SHISA6: variants seen among roughly 807,000 people sequenced by gnomAD.
SHISA6 encodes shisa family member 6.
Under a neutral mutation model 47.9 loss-of-function variants are expected in SHISA6, and 22 were observed. The observed-to-expected ratio is 0.46, with a 90% CI of 0.33 to 0.66. SHISA6 has a LOEUF of 0.66. Ranked by LOEUF, SHISA6 falls within the 30% of genes least tolerant of loss-of-function variation. The probability of loss-of-function intolerance (pLI) is 0.02; values close to 1 mark genes in which losing one functional copy is unlikely to be tolerated. For synonymous variants in SHISA6, 388 were observed against 337.8 expected (o/e 1.15, Z -1.63); for missense variants, 680 against 764.6 (o/e 0.89, Z 1.30).
intron 2 of SHISA6, among the ~76,000 whole-genome samples, chr17:11,268,698 A>T (rs548874184): frequency 6.6e-6 from 1 of 152,336 alleles, no homozygotes; most frequent in South Asian, 2.1e-4. Flanking sequence ...TGTCACCATC[A>T]GAATTTAAGC....
intron 2 of SHISA6, among the ~76,000 whole-genome samples, chr17:11,348,965 C>CCCT (rs1364738111): frequency 6.6e-6 from 1 of 152,180 alleles, no homozygotes. Context: ...GCTGTGCTTT[C>CCCT]ACTAGTGGGG....
intron 3 of SHISA6, among the ~76,000 whole-genome samples, chr17:11,463,195 T>A (rs1915734185): frequency 6.6e-6 from 1 of 152,206 alleles, no homozygotes; most frequent in Non-Finnish European, 1.5e-5. Flanking sequence ...GCTTGTTTCC[T>A]TATCCATAAA....
Position 11,275,149 on chromosome 17 carries a change from A to AT in SHISA6, c.799+11637dup, listed in dbSNP as rs36121722. On this transcript the variant is annotated intron_variant, in intron 2 of 5. Transcript: ENST00000441885. ...TGGAAGGCTGCTCTGAGCAGGAGGA[A>AT]TTTTTTTTTTTTTTCATTAAACATA... Among the ~76,000 whole-genome samples, 1,348 of 145,954 alleles carry AT rather than the reference A, an allele frequency of 9.2e-3. 23 individuals carry two copies. Among genetic ancestry groups the AT allele is most frequent in the African/African-American group, 0.028 (1,093 of 39,730 alleles).
Position 11,387,160 on chromosome 17 carries a change from G to A in SHISA6, c.895+7651G>A, listed in dbSNP as rs183209198. 8.5e-5 allele frequency among the ~76,000 whole-genome samples: 13 copies of A among 152,240 alleles called. No homozygotes were observed. The East Asian group carries it at 1.7e-3, about 20-fold the overall frequency. On this transcript the variant is annotated intron_variant, in intron 3 of 5. Coordinates refer to ENST00000441885, the MANE Select transcript of SHISA6 (RefSeq NM_207386.4). ...AGAATGCAAGAAGCTGTTGGCCTGC[G>A]AGCACCTTTCCAGACCCCACAGAAC...
intron 2 of SHISA6, among the ~76,000 whole-genome samples, chr17:11,303,583 A>AT (rs1188642978): frequency 1.3e-5 from 2 of 151,830 alleles, no homozygotes; most frequent in African/African-American, 2.4e-5. Flanking sequence ...AGGTGACGGG[A>AT]TTTTTTACCT....
intron 2 of SHISA6, 58 bp from the exon 3 acceptor site, chr17:11,379,356 T>A: frequency 7.8e-7 from 1 of 1,276,328 alleles, no homozygotes; most frequent in Non-Finnish European, 1.1e-6. Context: ...GCAGCTGCGC[T>A]TGTCTTCCAT....
intron 3 of SHISA6, among the ~76,000 whole-genome samples, chr17:11,496,530 G>T (rs1159624456): frequency 6.6e-6 from 1 of 152,136 alleles, no homozygotes; most frequent in Non-Finnish European, 1.5e-5. Flanking sequence ...ACGAGGTCAG[G>T]AGTTCGAGAC....
intron 3 of SHISA6, among the ~76,000 whole-genome samples, chr17:11,537,930 A>G (rs1277286345): frequency 1.3e-5 from 2 of 152,260 alleles, no homozygotes; most frequent in Non-Finnish European, 2.9e-5. Context: ...AAGAAGCAAT[A>G]TATGATGAAG....
chr17:11,465,753 G>A (rs183409804), intron 3 of SHISA6, among the ~76,000 whole-genome samples: 23 of 152,296 alleles, frequency 1.5e-4, no homozygotes, highest in South Asian at 4.1e-4. Context: ...TCAAGGCTGA[G>A]CTTCATACAT....
chr17:11,278,603 C>T (rs984908133), intron 2 of SHISA6, among the ~76,000 whole-genome samples: 4 of 152,222 alleles, frequency 2.6e-5, no homozygotes, highest in African/African-American at 4.8e-5. Context: ...CAGCTCCATC[C>T]GCCTACCCCT....
At chr17:11,428,051 T>G (rs1296905975) in intron 3 of SHISA6, among the ~76,000 whole-genome samples, 1 of 152,214 alleles carries the variant, frequency 6.6e-6, no homozygotes, top group African/African-American at 2.4e-5. Context: ...TGACATCTAT[T>G]AAGCACTTAC....
chr17:11,446,429 C>G (rs564719395), intron 3 of SHISA6, among the ~76,000 whole-genome samples: 5 of 152,344 alleles, frequency 3.3e-5, no homozygotes, highest in Non-Finnish European at 7.3e-5. Context: ...CTCTCTGGCC[C>G]TGCCGCCTCT....
At chr17:11,529,521 T>C (rs933407172) in intron 3 of SHISA6, among the ~76,000 whole-genome samples, 1 of 152,138 alleles carries the variant, frequency 6.6e-6, no homozygotes, top group Non-Finnish European at 1.5e-5. Context: ...AGCGAAACCA[T>C]ACAAGAATAA....
At chr17:11,421,021 G>A (rs1372349775) in intron 3 of SHISA6, among the ~76,000 whole-genome samples, 1 of 152,078 alleles carries the variant, frequency 6.6e-6, no homozygotes, top group Non-Finnish European at 1.5e-5. Context: ...TATTGCTGGC[G>A]GGACTGAAGC....
At chr17:11,384,592 A>G (rs1351023852) in intron 3 of SHISA6, among the ~76,000 whole-genome samples, 1 of 152,208 alleles carries the variant, frequency 6.6e-6, no homozygotes, top group East Asian at 1.9e-4. Flanking sequence ...AATATTGTCA[A>G]TTCCAGTCGT....
At chr17:11,491,829 T>C (rs1916493458) in intron 3 of SHISA6, among the ~76,000 whole-genome samples, 1 of 144,878 alleles carries the variant, frequency 6.9e-6, no homozygotes, top group African/African-American at 2.6e-5. Flanking sequence ...TGGAGTGCAA[T>C]GGTGCGATCT....
chr17:11,287,536 G>A (rs62062055), intron 2 of SHISA6, among the ~76,000 whole-genome samples: 29,842 of 150,322 alleles, frequency 0.2, 3,418 homozygotes, highest in Non-Finnish European at 0.26. Flanking sequence ...TTAGCAGAGC[G>A]GTGGTATGCA....
intron 3 of SHISA6, among the ~76,000 whole-genome samples, chr17:11,405,516 G>A (rs907004875): frequency 6.6e-6 from 1 of 152,096 alleles, no homozygotes; most frequent in Non-Finnish European, 1.5e-5. Flanking sequence ...ACATTATGCA[G>A]CTCTGGGCCA....
chr17:11,311,333 G>A (rs1444699867), intron 2 of SHISA6, among the ~76,000 whole-genome samples: 1 of 150,092 alleles, frequency 6.7e-6, no homozygotes, highest in Non-Finnish European at 1.5e-5. Flanking sequence ...TCTGGCTGTT[G>A]TGTGGACAGG....
Sources: allele counts gnomAD v4.1 joint callset (sites outside exome capture counted in the v4.1 genomes callset), GRCh38; gene constraint gnomAD v4.1.1; transcripts MANE v1.5; gene names NCBI Gene and HGNC (gene_info 2026-07-23, HGNC 2026-07-21).